CCDC192: variants seen among roughly 807,000 people sequenced by gnomAD.
CCDC192 encodes the protein coiled-coil domain-containing protein 192.
At chr5:127,704,671 G>T (rs1750857736) in intron 1 of CCDC192, among the ~76,000 whole-genome samples, 1 of 151,982 alleles carries the variant, frequency 6.6e-6, no homozygotes, top group African/African-American at 2.4e-5. Flanking sequence ...AATAATCTAT[G>T]GGAGGGAGTA....
At chr5:127,934,227 T>C (rs759266414) in intron 6 of CCDC192, among the ~76,000 whole-genome samples, 10 of 152,220 alleles carry the variant, frequency 6.6e-5, no homozygotes, top group Admixed American at 3.9e-4. Context: ...CAGATCTTCT[T>C]AAACTCTCAG....
chr5:127,755,578 T>C (rs1756464696), intron 3 of CCDC192, among the ~76,000 whole-genome samples: 1 of 151,098 alleles, frequency 6.6e-6, no homozygotes, highest in Non-Finnish European at 1.5e-5. Context: ...TGCCAACTGT[T>C]GTTTTTTTTT....
intron 6 of CCDC192, 75 bp from the exon 7 acceptor site, chr5:127,941,107 T>C (rs958020387): frequency 2.5e-6 from 1 of 398,614 alleles, no homozygotes; most frequent in Non-Finnish European, 4.4e-6. Flanking sequence ...ATGAAGCTTT[T>C]TCATTTTTCC....
At chr5:127,915,910 C>A (rs1259634833) in intron 6 of CCDC192, among the ~76,000 whole-genome samples, 3 of 152,096 alleles carry the variant, frequency 2.0e-5, no homozygotes, top group Non-Finnish European at 4.4e-5. Flanking sequence ...GGGGCTGTGG[C>A]AATTTTTTAA....
At chr5:127,709,168 A>G (rs1580508073) in intron 2 of CCDC192, among the ~76,000 whole-genome samples, 1 of 93,632 alleles carries the variant, frequency 1.1e-5, no homozygotes, top group Middle Eastern at 6.0e-3. Context: ...AGAGGGGGAG[A>G]GGGGGAGAGA....
At chr5:127,887,311 A>T (rs1752595337) in intron 6 of CCDC192, among the ~76,000 whole-genome samples, 1 of 139,710 alleles carries the variant, frequency 7.2e-6, no homozygotes, top group African/African-American at 2.7e-5. Context: ...CCTGGGTAAC[A>T]GAGAGAGACT....
At chr5:127,818,618 A>G (rs1328926967) in intron 5 of CCDC192, among the ~76,000 whole-genome samples, 1 of 152,168 alleles carries the variant, frequency 6.6e-6, no homozygotes, top group Non-Finnish European at 1.5e-5. Context: ...ATTCAGAGGA[A>G]CCATCCCTAA....
chr5:127,703,176 C>T (rs1169601791), upstream of CCDC192, among the ~76,000 whole-genome samples: 2 of 152,214 alleles, frequency 1.3e-5, no homozygotes, highest in Non-Finnish European at 2.9e-5. Flanking sequence ...TTCTGTTCCA[C>T]TTTGAATGAG....
chr5:127,914,216 C>T (rs913528480), intron 6 of CCDC192, among the ~76,000 whole-genome samples: 1 of 152,110 alleles, frequency 6.6e-6, no homozygotes, highest in Non-Finnish European at 1.5e-5. Context: ...AATGGAGAAA[C>T]TCACATTCTT....
chr5:127,747,710 T>G (rs1057158200), intron 2 of CCDC192, among the ~76,000 whole-genome samples: 2 of 151,658 alleles, frequency 1.3e-5, no homozygotes, highest in Non-Finnish European at 2.9e-5. Context: ...TGAACTAGTT[T>G]ACAGTCCCAC....
At chr5:127,850,542 C>T (rs1254330950) in intron 5 of CCDC192, among the ~76,000 whole-genome samples, 3 of 152,152 alleles carry the variant, frequency 2.0e-5, no homozygotes, top group East Asian at 1.9e-4. Flanking sequence ...AGCAGGCCAA[C>T]GTCCCTTGCA....
chr5:127,910,368 G>A (rs1753312798), intron 6 of CCDC192, among the ~76,000 whole-genome samples: 1 of 152,158 alleles, frequency 6.6e-6, no homozygotes, highest in Non-Finnish European at 1.5e-5. Flanking sequence ...GGCTTCTTAA[G>A]TAAATTAACT....
At chr5:127,905,818 C>T (rs1753177771) in intron 6 of CCDC192, among the ~76,000 whole-genome samples, 1 of 152,042 alleles carries the variant, frequency 6.6e-6, no homozygotes, top group Non-Finnish European at 1.5e-5. Context: ...AGGGATTACC[C>T]AATTTCACTC....
chr5:127,920,325 A>T (rs1440428100), intron 6 of CCDC192, among the ~76,000 whole-genome samples: 3 of 151,476 alleles, frequency 2.0e-5, no homozygotes, highest in Non-Finnish European at 4.4e-5. Flanking sequence ...CATTTCATTG[A>T]TTTATCATCA....
intron 6 of CCDC192, among the ~76,000 whole-genome samples, chr5:127,923,702 G>A (rs1487284084): frequency 5.3e-5 from 8 of 152,054 alleles, no homozygotes; most frequent in Non-Finnish European, 1.5e-5. Context: ...ACCAATCATG[G>A]CATTGATTTT....
At chr5:127,929,383 C>T (rs958979225) in intron 6 of CCDC192, among the ~76,000 whole-genome samples, 57 of 152,086 alleles carry the variant, frequency 3.7e-4, no homozygotes, top group African/African-American at 1.3e-3. Context: ...TCACTGTCAT[C>T]CCAAGGCTGA....
intron 2 of CCDC192, among the ~76,000 whole-genome samples, chr5:127,750,571 T>C (rs1423437466): frequency 1.3e-5 from 2 of 150,578 alleles, no homozygotes; most frequent in Admixed American, 6.6e-5. Flanking sequence ...GGTGTGGTGC[T>C]GAAAAAAATG....
chr5:127,940,029 G>A (rs1754333992), intron 6 of CCDC192, among the ~76,000 whole-genome samples: 1 of 152,158 alleles, frequency 6.6e-6, no homozygotes. Flanking sequence ...TGAGAGTGGT[G>A]GGGTACTGCT....
At chr5:127,747,243 C>G (rs1753815594) in intron 2 of CCDC192, among the ~76,000 whole-genome samples, 1 of 152,030 alleles carries the variant, frequency 6.6e-6, no homozygotes, top group Admixed American at 6.6e-5. Flanking sequence ...TCTCCCAATG[C>G]TATCCCTCCC....
Sources: gnomAD v4.1 joint callset for allele counts (sites outside exome capture counted in the v4.1 genomes callset) on GRCh38, gnomAD v4.1.1 for gene constraint, MANE v1.5 for transcripts, NCBI Gene and HGNC (gene_info 2026-07-23, HGNC 2026-07-21) for gene names.